Variants in LRRN3 observed in about 807,000 individuals in gnomAD.
LRRN3 encodes leucine rich repeat neuronal 3, also known as leucine-rich repeat neuronal protein 3.
Under a neutral mutation model 40.1 loss-of-function variants are expected in LRRN3, and 15 were observed. That is an observed-to-expected ratio of 0.37 (90% confidence interval 0.25 to 0.58). The LOEUF (loss-of-function observed/expected upper bound fraction) is 0.58. LRRN3 is among the 20% of genes least tolerant of loss of function. The pLI is 0.72. For missense variants in LRRN3, 746 were observed against 837.7 expected (o/e 0.89, Z 1.35); for synonymous variants, 308 against 297.2 (o/e 1.04, Z -0.37).
intron 1 of LRRN3, 95 bp from the exon 2 acceptor site, chr7:111,099,786 G>A (rs1189130867): frequency 6.6e-6 from 1 of 151,506 alleles, no homozygotes; most frequent in Admixed American, 6.6e-5. Flanking sequence ...TGTGAATCAT[G>A]AATAACCTAA....
At chr7:111,100,331 A>G (rs1797836741) in intron 2 of LRRN3, among the ~76,000 whole-genome samples, 2 of 150,774 alleles carry the variant, frequency 1.3e-5, no homozygotes, top group African/African-American at 4.9e-5. Context: ...ATGCAGAAGC[A>G]TCTAACAACA....
chr7:111,124,438 G>C lies in LRRN3; in HGVS notation c.1666G>C (p.Ala556Pro). The C allele has an allele frequency of 6.2e-7, 1 of 1,613,786 alleles. No homozygotes were observed. The highest frequency in any genetic ancestry group is 8.5e-7 in the Non-Finnish European group (1 of 1,179,912). Residue 556 changes from alanine (A) to proline (P), a missense_variant, in exon 3 of 3, where the codon GCC becomes CCC. Transcript: ENST00000308478. Reference protein sequence around the residue: ...KILKSSVKWTAFVKTENSHAA... With the variant: ...KILKSSVKWTPFVKTENSHAA... ...TCTCAAATCTAGTGTTAAATGGACA[G>C]CCTTTGTCAAGACTGAAAATTCTCA...
At chr7:111,106,131 C>T (rs1798525657) in intron 2 of LRRN3, among the ~76,000 whole-genome samples, 1 of 151,930 alleles carries the variant, frequency 6.6e-6, no homozygotes, top group Non-Finnish European at 1.5e-5. Flanking sequence ...CATTGGTGCA[C>T]ATTGGAGCAG....
intron 1 of LRRN3, among the ~76,000 whole-genome samples, chr7:111,096,662 T>C (rs1426479760): frequency 1.3e-5 from 2 of 151,680 alleles, no homozygotes; most frequent in Non-Finnish European, 2.9e-5. Context: ...CTGGAAAAAA[T>C]GAGATGAGTA....
chr7:111,118,041 A>C (rs983412321), intron 2 of LRRN3, among the ~76,000 whole-genome samples: 2 of 152,128 alleles, frequency 1.3e-5, no homozygotes, highest in African/African-American at 4.8e-5. Context: ...ACAAAAGACC[A>C]CAGAACATTC....
At chr7:111,107,186 C>T (rs1442250472) in intron 2 of LRRN3, among the ~76,000 whole-genome samples, 1 of 150,202 alleles carries the variant, frequency 6.7e-6, no homozygotes. Flanking sequence ...CCTCTCTCTC[C>T]TTCCCTCCCT....
chr7:111,114,800 T>A (rs1799676933), intron 2 of LRRN3, among the ~76,000 whole-genome samples: 1 of 150,440 alleles, frequency 6.6e-6, no homozygotes. Flanking sequence ...TTTGAGAATA[T>A]TTAAGGGTTA....
At chr7:111,118,283 A>T (rs1402810374) in intron 2 of LRRN3, among the ~76,000 whole-genome samples, 2 of 152,134 alleles carry the variant, frequency 1.3e-5, no homozygotes, top group African/African-American at 4.8e-5. Context: ...ATATTTCATA[A>T]ATGATGAAAA....
Position 111,124,505 on chromosome 7 carries a change from A to G in LRRN3, c.1733A>G (p.Tyr578Cys), listed in dbSNP as rs758479977. The G allele has an allele frequency of 2.5e-5, 41 of 1,613,958 alleles. No individual in the cohort carries two copies. The highest frequency in any genetic ancestry group is 3.3e-5 in the Non-Finnish European group (39 of 1,179,954). ...CGAATACCATCTGATGTCAAGGTAT[A>G]TAATCTTACTCATCTGAATCCATCA... ...SARIPSDVKV[Y>C]NLTHLNPSTE... Residue 578 changes from tyrosine to cysteine, a missense_variant, in exon 3 of 3, where the codon TAT becomes TGT. By Grantham distance (194) the Tyr-to-Cys change is radical. Coordinates refer to ENST00000308478, the MANE Select transcript of LRRN3 (RefSeq NM_001099658.2).
chr7:111,116,269 G>C (rs1003495038), intron 2 of LRRN3, among the ~76,000 whole-genome samples: 7 of 152,018 alleles, frequency 4.6e-5, no homozygotes, highest in Non-Finnish European at 1.0e-4. Context: ...AAAAATAAAA[G>C]TTCTTAAACA....
chr7:111,122,489 T>A lies in LRRN3; in HGVS notation c.-284T>A, dbSNP rs1483358195. 3 of 296,732 alleles carry A rather than the reference T, an allele frequency of 1.0e-5. No individual in the cohort carries two copies. Among genetic ancestry groups the A allele is most frequent in the African/African-American group, 6.5e-5 (3 of 46,088 alleles). The allele number at this position is 296,732 out of a possible 1,614,324, so 18.4% of individuals were successfully genotyped here. Reference sequence around the variant, plus strand: ...TTTTACTTCTAAATAAATGAATTACTCAATCTCCTATGACCATCTATACAT... The same window carrying A: ...TTTTACTTCTAAATAAATGAATTACACAATCTCCTATGACCATCTATACAT... On this transcript the variant is annotated 5_prime_UTR_variant, in exon 3 of 3. Transcript: ENST00000308478.
chr7:111,093,513 C>G (rs1181726629), intron 1 of LRRN3, among the ~76,000 whole-genome samples: 1 of 152,064 alleles, frequency 6.6e-6, no homozygotes, highest in African/African-American at 2.4e-5. Flanking sequence ...AGACCTTTTC[C>G]AGGGAAAGTT....
In LRRN3 at chr7:111,098,616, C is replaced by T. The variant is rs186789445; in HGVS notation, c.-440-1265C>T. On this transcript the variant is annotated intron_variant, in intron 1 of 2. Transcript: ENST00000308478. ...ACTGGCAGATCTCATTTACAACATA[C>T]AAGCATTTTCTGTGCCAAACATTAT... is the stretch of plus-strand genomic sequence containing the variant. Among the ~76,000 whole-genome samples, 8 of 151,858 alleles carry T rather than the reference C, an allele frequency of 5.3e-5. No individual in the cohort carries two copies. In the East Asian group the frequency reaches 1.5e-3, roughly 29 times the overall value.
At chr7:111,108,203 G>C (rs1798767740) in intron 2 of LRRN3, among the ~76,000 whole-genome samples, 1 of 152,090 alleles carries the variant, frequency 6.6e-6, no homozygotes, top group Non-Finnish European at 1.5e-5. Context: ...CAACAAGCAT[G>C]GTCTGGCCTG....
At position 111,122,824 on chromosome 7, in the gene LRRN3, A is replaced by G. The variant is rs1800816776; in HGVS notation, c.52A>G (p.Thr18Ala). The change falls in exon 3 of 3, where the codon ACA becomes GCA. Residue 18 changes from threonine (T) to alanine (A), a missense_variant. Thr to Ala is a moderately conservative substitution (Grantham distance 58). Coordinates refer to ENST00000308478, the MANE Select transcript of LRRN3 (RefSeq NM_001099658.2). ...IHVLLGLAIT[T>A]LVQAVDKKVD... ...TGTGCTACTTGGCCTAGCTATCACT[A>G]CACTAGTACAAGCTGTAGATAAAAA... 6.2e-7 allele frequency: 1 copy of G among 1,613,924 alleles called. No homozygotes were observed. The highest frequency in any genetic ancestry group is 1.1e-5 in the South Asian group (1 of 91,064).
Position 111,122,751 on chromosome 7 carries a change from A to G in LRRN3, c.-22A>G. 1 of 1,593,032 alleles carries G rather than the reference A, an allele frequency of 6.3e-7. No homozygotes were observed. The highest frequency in any genetic ancestry group is 8.6e-7 in the Non-Finnish European group (1 of 1,168,276). On this transcript the variant is annotated 5_prime_UTR_variant, in exon 3 of 3. Transcript: ENST00000308478. ...TGTGGAATCCTTAAGGGCCCATTAC[A>G]TTTCTGAAGAAGAAAGCTAAGATGA...
At chr7:111,094,137 C>T (rs1797156353) in intron 1 of LRRN3, among the ~76,000 whole-genome samples, 1 of 152,100 alleles carries the variant, frequency 6.6e-6, no homozygotes, top group Admixed American at 6.5e-5. Context: ...TCACTCCTCC[C>T]CCCGAATCTG....
In LRRN3 at chr7:111,122,956, A is replaced by T; in HGVS notation, c.184A>T (p.Thr62Ser). ...GGATTGTAATGATTTAGGTCTTTTA[A>T]CTTTCCCAGCCAGATTGCCAGCTAA... is the stretch of plus-strand genomic sequence containing the variant. Reference protein sequence around the residue: ...TVDCNDLGLLTFPARLPANTQ... With the variant: ...TVDCNDLGLLSFPARLPANTQ... The change falls in exon 3 of 3, where the codon ACT (threonine) becomes TCT (serine). Residue 62 changes from threonine (T) to serine (S), a missense_variant. Thr to Ser is a moderately conservative substitution (Grantham distance 58, BLOSUM62 1). Transcript: ENST00000308478. The T allele has an allele frequency of 6.2e-7, 1 of 1,614,020 alleles. No homozygotes were observed. Among genetic ancestry groups the T allele is most frequent in the Non-Finnish European group, 8.5e-7 (1 of 1,179,966 alleles).
intron 1 of LRRN3, 147 bp from the exon 2 acceptor site, chr7:111,099,732 TAA>T (rs1163503694): frequency 1.3e-5 from 2 of 151,424 alleles, no homozygotes; most frequent in East Asian, 3.9e-4. Flanking sequence ...ATTAGACAAC[TAA>T]AAAAAGAAAT....
Sources: gnomAD v4.1 joint callset for allele counts (sites outside exome capture counted in the v4.1 genomes callset) on GRCh38, gnomAD v4.1.1 for gene constraint, MANE v1.5 for transcripts, NCBI Gene and HGNC (gene_info 2026-07-23, HGNC 2026-07-21) for gene names.